Variants in PSKH2 observed in about 807,000 individuals in gnomAD.
The protein encoded by PSKH2 is serine/threonine-protein kinase H2.
Under a neutral mutation model 22.5 loss-of-function variants are expected in PSKH2, and 16 were observed. The ratio of observed to expected loss-of-function variants is 0.71; its 90% CI spans 0.48 to 1.08. The LOEUF is 1.08. Among genes scored for constraint, PSKH2 ranks in the 50% least tolerant of loss-of-function variants. The pLI is 0.00. For synonymous variants in PSKH2, 188 were observed against 184.8 expected, an observed-to-expected ratio of 1.02 and a Z score of -0.14; for missense variants, 516 against 492.8, an observed-to-expected ratio of 1.05 and a Z score of -0.44.
At chr8:86,049,499 C>T (rs980983199) in intron 2 of PSKH2, among the ~76,000 whole-genome samples, 1 of 151,196 alleles carries the variant, frequency 6.6e-6, no homozygotes, top group African/African-American at 2.4e-5. Context: ...TTCAAGGCTG[C>T]AGTGAGCTAT....
rs200650742 is a variant in PSKH2 at position 86,064,486 on chromosome 8, C to A, written c.331G>T (p.Val111Phe). The A allele has an allele frequency of 1.9e-6, 3 of 1,614,014 alleles. No homozygotes were observed. Among genetic ancestry groups the A allele is most frequent in the East Asian group, 2.2e-5 (1 of 44,860 alleles). The change falls in exon 2 of 3, where the codon GTC becomes TTC. Residue 111 changes from valine (V) to phenylalanine (F), a missense_variant. Coordinates refer to ENST00000276616, the MANE Select transcript of PSKH2 (RefSeq NM_033126.3). ...GREACVSELS[V>F]LRRVSHRYIV... The stretch of plus-strand genomic sequence containing the variant: ...TAACGATGGCTAACCCGCCGCAGGA[C>A]GCTCAGCTCAGACACGCACGCTTCT...
chr8:86,047,516 T>C lies in PSKH2; in HGVS notation c.*946A>G, dbSNP rs141481321. Among the ~76,000 whole-genome samples, 132 of 152,298 alleles carry C rather than the reference T, an allele frequency of 8.7e-4. 1 individual carries two copies. Among genetic ancestry groups the C allele is most frequent in the Non-Finnish European group, 1.6e-3 (107 of 67,988 alleles). On this transcript the variant is annotated 3_prime_UTR_variant, in exon 3 of 3. Coordinates refer to ENST00000276616, the MANE Select transcript of PSKH2 (RefSeq NM_033126.3). ...AAAATAAGCAATATCAACTAATTAA[T>C]CATTTATTTACTATGTTTACCCACA...
intron 2 of PSKH2, among the ~76,000 whole-genome samples, chr8:86,060,489 T>C (rs1016680607): frequency 3.3e-5 from 5 of 152,170 alleles, no homozygotes; most frequent in African/African-American, 9.7e-5. Flanking sequence ...AATGAAAACA[T>C]GATGATATAC....
intron 2 of PSKH2, among the ~76,000 whole-genome samples, chr8:86,053,487 G>C (rs1419742557): frequency 6.6e-6 from 1 of 152,010 alleles, no homozygotes; most frequent in Non-Finnish European, 1.5e-5. Flanking sequence ...TCCTCACCAT[G>C]AGCCCCAGGA....
intron 2 of PSKH2, among the ~76,000 whole-genome samples, chr8:86,063,416 G>C (rs1375465362): frequency 6.6e-6 from 1 of 152,126 alleles, no homozygotes; most frequent in Non-Finnish European, 1.5e-5. Flanking sequence ...ATGAACACTG[G>C]GAGTTTCAAG....
chr8:86,048,653 T>C lies in PSKH2; in HGVS notation c.967A>G (p.Met323Val). 6.2e-7 allele frequency: 1 copy of C among 1,614,156 alleles called. No individual in the cohort carries two copies. The highest frequency in any genetic ancestry group is 8.5e-7 in the Non-Finnish European group (1 of 1,180,020). Reference sequence around the variant, plus strand: ...TTCTTCATGGAAGACCCTGCAGCCATGGTGATCACCCAGGGATGGTCCAGG... The same window carrying C: ...TTCTTCATGGAAGACCCTGCAGCCACGGTGATCACCCAGGGATGGTCCAGG... ...QALDHPWVIT[M>V]AAGSSMKNLQ... is the part of the protein sequence containing the mutation. The change falls in exon 3 of 3, where the codon ATG becomes GTG. Residue 323 changes from methionine to valine, a missense_variant. By Grantham distance (21) the Met-to-Val change is conservative. Transcript: ENST00000276616.
Position 86,048,619 on chromosome 8 carries a change from C to T in PSKH2, c.1001G>A (p.Arg334Lys), listed in dbSNP as rs753783872. 2.9e-5 allele frequency: 46 copies of T among 1,613,956 alleles called. No homozygotes were observed. The highest frequency in any genetic ancestry group is 3.9e-5 in the Non-Finnish European group (46 of 1,180,032). ...CTGCATGAGGTTTCGGGATATGGCC[C>T]TCTGGAGATTCTTCATGGAAGACCC... is the stretch of plus-strand genomic sequence containing the variant. Reference protein sequence around the residue: ...AAGSSMKNLQRAISRNLMQRA... With the variant: ...AAGSSMKNLQKAISRNLMQRA... The change falls in exon 3 of 3, where the codon AGG becomes AAG. Residue 334 changes from arginine (R) to lysine (K), a missense_variant. By Grantham distance (26) the Arg-to-Lys change is conservative. Transcript: ENST00000276616.
Position 86,048,676 on chromosome 8 carries a change from A to T in PSKH2, c.944T>A (p.Leu315Gln). 1 of 1,614,194 alleles carries T rather than the reference A, an allele frequency of 6.2e-7. No homozygotes were observed. The highest frequency in any genetic ancestry group is 8.5e-7 in the Non-Finnish European group (1 of 1,180,026). Residue 315 changes from leucine to glutamine, a missense_variant, in exon 3 of 3, where the codon CTG (leucine) becomes CAG (glutamine). Coordinates refer to ENST00000276616, the MANE Select transcript of PSKH2 (RefSeq NM_033126.3). ...AGHRMSAGQA[L>Q]DHPWVITMAA... ...CATGGTGATCACCCAGGGATGGTCC[A>T]GGGCCTGGCCAGCTGACATGCGATG...
chr8:86,059,116 T>C (rs1209290886), intron 2 of PSKH2, among the ~76,000 whole-genome samples: 1 of 152,082 alleles, frequency 6.6e-6, no homozygotes, highest in Admixed American at 6.6e-5. Flanking sequence ...ATTTTTTGTA[T>C]TTTTTGTAGA....
chr8:86,064,454 G>T lies in PSKH2; in HGVS notation c.363C>A (p.Val121=), dbSNP rs1446433971. 4.3e-6 allele frequency: 7 copies of T among 1,613,966 alleles called. No homozygotes were observed. Among genetic ancestry groups the T allele is most frequent in the Non-Finnish European group, 5.1e-6 (6 of 1,180,026 alleles). ...VLRRVSHRYI[V]QLMEIFETED... ...CAGTCTCAAAGATCTCCATGAGCTG[G>T]ACAATGTAACGATGGCTAACCCGCC... is the stretch of plus-strand genomic sequence containing the variant. Residue 121 remains valine, a synonymous_variant, in exon 2 of 3, where the codon GTC becomes GTA. Coordinates refer to ENST00000276616, the MANE Select transcript of PSKH2 (RefSeq NM_033126.3).
chr8:86,058,737 A>G (rs1817738225), intron 2 of PSKH2, among the ~76,000 whole-genome samples: 1 of 152,214 alleles, frequency 6.6e-6, no homozygotes, highest in South Asian at 2.1e-4. Flanking sequence ...ATTTCATGAA[A>G]AAGAATATAT....
intron 2 of PSKH2, among the ~76,000 whole-genome samples, chr8:86,050,011 A>C (rs1327786038): frequency 1.3e-5 from 2 of 152,194 alleles, no homozygotes; most frequent in East Asian, 3.9e-4. Flanking sequence ...CTACAAATAG[A>C]TTCAACACGT....
intron 2 of PSKH2, among the ~76,000 whole-genome samples, chr8:86,057,978 G>A (rs1182302481): frequency 6.6e-6 from 1 of 152,190 alleles, no homozygotes; most frequent in African/African-American, 2.4e-5. Context: ...CCTAAGAGCA[G>A]AGACACTGAG....
chr8:86,069,521 A>T lies in PSKH2; in HGVS notation c.102T>A (p.Pro34=). Residue 34 remains proline (P), a synonymous_variant, in exon 1 of 3, where the codon CCT becomes CCA. Transcript: ENST00000276616. ...QNQAGVGGAG[P]GPEAAAQAAQ... is the part of the protein sequence containing the mutation. The stretch of plus-strand genomic sequence containing the variant: ...CCGCCTGGGCCGCCGCCTCGGGCCC[A>T]GGCCCCGCGCCTCCGACGCCGGCTT... The T allele has an allele frequency of 6.2e-7, 1 of 1,608,506 alleles. No individual in the cohort carries two copies.
In PSKH2 at chr8:86,066,035, A is replaced by G. The variant is rs376895976; in HGVS notation, c.186-1404T>C. ...TTTAACCCTCTACCTCATATTTAAG[A>G]CATGTTGAGAAAATGCTAGACTTAA... On this transcript the variant is annotated intron_variant, in intron 1 of 2. Coordinates refer to ENST00000276616, the MANE Select transcript of PSKH2 (RefSeq NM_033126.3). 3.1e-3 allele frequency among the ~76,000 whole-genome samples: 471 copies of G among 152,170 alleles called. 6 individuals are homozygous for G. The highest frequency in any genetic ancestry group is 0.01 in the African/African-American group (425 of 41,504).
chr8:86,068,599 G>A (rs1817897766), intron 1 of PSKH2, among the ~76,000 whole-genome samples: 2 of 152,040 alleles, frequency 1.3e-5, no homozygotes, highest in East Asian at 1.9e-4. Flanking sequence ...TAGAAACGAA[G>A]GAAGGAAAAA....
chr8:86,052,944 A>ACCC (rs748287978), intron 2 of PSKH2, among the ~76,000 whole-genome samples: 3 of 152,102 alleles, frequency 2.0e-5, no homozygotes, highest in Non-Finnish European at 2.9e-5. Context: ...AACAACAGTG[A>ACCC]CCCAAAAAAG....
chr8:86,068,389 C>A (rs1295818720), intron 1 of PSKH2, among the ~76,000 whole-genome samples: 1 of 152,184 alleles, frequency 6.6e-6, no homozygotes, highest in Non-Finnish European at 1.5e-5. Context: ...ACATGTCCAA[C>A]ATGGTACACT....
chr8:86,063,136 C>T (rs1055117319), intron 2 of PSKH2, among the ~76,000 whole-genome samples: 3 of 152,140 alleles, frequency 2.0e-5, no homozygotes, highest in Admixed American at 1.3e-4. Flanking sequence ...TACCATAAGG[C>T]ACTAAAGGTC....
Sources: allele counts gnomAD v4.1 joint callset (sites outside exome capture counted in the v4.1 genomes callset), GRCh38; gene constraint gnomAD v4.1.1; transcripts MANE v1.5; gene names NCBI Gene and HGNC (gene_info 2026-07-23, HGNC 2026-07-21).